NXN: variants seen among roughly 807,000 people sequenced by gnomAD.
NXN encodes nucleoredoxin, also known as nucleoredoxin 1.
A neutral mutation model predicts 48.6 loss-of-function variants in NXN; 16 were observed. That is an observed-to-expected ratio of 0.33 (90% CI 0.22 to 0.50). NXN has a LOEUF of 0.50. Among genes scored for constraint, NXN ranks in the 20% least tolerant of loss-of-function variants. The pLI, the probability that NXN is intolerant of heterozygous loss-of-function variation, is 0.98. For synonymous variants in NXN, 281 were observed against 269.6 expected, an observed-to-expected ratio of 1.04 and a Z score of -0.41; for missense variants, 492 against 605.5, an observed-to-expected ratio of 0.81 and a Z score of 1.97.
chr17:811,608 G>A (rs920070785), intron 5 of NXN, among the ~76,000 whole-genome samples: 85 of 152,316 alleles, frequency 5.6e-4, no homozygotes, highest in Non-Finnish European at 1.2e-3. Flanking sequence ...TGGTCCTGTG[G>A]AGATGGGTCA....
intron 1 of NXN, among the ~76,000 whole-genome samples, chr17:837,485 T>C (rs1184273716): frequency 1.3e-5 from 2 of 152,126 alleles, no homozygotes; most frequent in African/African-American, 4.8e-5. Context: ...GAACAACAAA[T>C]GAACAGAGGA....
At chr17:936,738 ATTTCT>A (rs1183198217) in intron 1 of NXN, among the ~76,000 whole-genome samples, 1 of 149,196 alleles carries the variant, frequency 6.7e-6, no homozygotes, top group African/African-American at 2.5e-5. Context: ...TTTATAACGG[ATTTCT>A]TTTCTAACTT....
At chr17:900,118 AGCG>A (rs2068523508) in intron 1 of NXN, among the ~76,000 whole-genome samples, 1 of 152,020 alleles carries the variant, frequency 6.6e-6, no homozygotes, top group Non-Finnish European at 1.5e-5. Flanking sequence ...ATACAAAATT[AGCG>A]GGGTGTGGTG....
At chr17:952,193 G>C (rs11651281) in intron 1 of NXN, among the ~76,000 whole-genome samples, 14,389 of 93,308 alleles carry the variant, frequency 0.15, 748 homozygotes, top group South Asian at 0.27. Flanking sequence ...TGGGGTCAGA[G>C]AGACCAAGGT....
At chr17:809,035 C>T (rs188176007) in intron 5 of NXN, among the ~76,000 whole-genome samples, 46 of 151,622 alleles carry the variant, frequency 3.0e-4, no homozygotes, top group Admixed American at 2.2e-3. Context: ...GGCAGACATA[C>T]GGAAAACTGG....
rs55751712 is a variant in NXN at position 849,518 on chromosome 17, CAA to C, written c.361-23442_361-23441del. On this transcript the variant is annotated intron_variant, in intron 1 of 7. Coordinates refer to ENST00000336868, the MANE Select transcript of NXN (RefSeq NM_022463.5). This position sits in a 1 kb window ranked among gnomAD's most constrained non-coding sequence, Gnocchi z 4.2. The stretch of plus-strand genomic sequence containing the variant: ...ACTGCACTCCATCCTGGACGACAGA[CAA>C]AAAAAAAAGATGGGAGCTTCCCAAC... Among the ~76,000 whole-genome samples, 11 of 147,712 alleles carry C rather than the reference CAA, an allele frequency of 7.4e-5. No homozygotes were observed. The highest frequency in any genetic ancestry group is 2.5e-4 in the African/African-American group (10 of 40,424).
At chr17:853,718 TATATA>T (rs575755240) in intron 1 of NXN, among the ~76,000 whole-genome samples, 1,616 of 96,934 alleles carry the variant, frequency 0.017, 17 homozygotes, top group Middle Eastern at 0.066. Flanking sequence ...TATATATATA[TATATA>T]TTTTTTTTTT....
chr17:869,237 C>G (rs2068126252), intron 1 of NXN, among the ~76,000 whole-genome samples: 1 of 152,158 alleles, frequency 6.6e-6, no homozygotes, highest in Non-Finnish European at 1.5e-5. Context: ...CTTACACACC[C>G]TGGGTTACAT....
intron 5 of NXN, among the ~76,000 whole-genome samples, chr17:811,469 C>A (rs1279769820): frequency 6.6e-6 from 1 of 151,384 alleles, no homozygotes; most frequent in Admixed American, 6.6e-5. Flanking sequence ...CAGCACTGCA[C>A]ACGGCTGCAC....
chr17:834,628 G>A (rs112661291), intron 1 of NXN, among the ~76,000 whole-genome samples: 4,425 of 151,764 alleles, frequency 0.029, 82 homozygotes, highest in Non-Finnish European at 0.046. Context: ...CTTATGATCC[G>A]CCCACCTTGG....
chr17:948,037 ACTCT>A (rs896872700), intron 1 of NXN, among the ~76,000 whole-genome samples: 9 of 151,898 alleles, frequency 5.9e-5, no homozygotes, highest in African/African-American at 1.9e-4. Flanking sequence ...GGTGACAGAG[ACTCT>A]CTCTCAAAAA....
intron 1 of NXN, among the ~76,000 whole-genome samples, chr17:934,871 C>CA (rs1164139845): frequency 1.1e-4 from 16 of 151,124 alleles, no homozygotes; most frequent in Admixed American, 1.1e-3. Context: ...GACGCCATCT[C>CA]AAAAAAAAGA....
At chr17:915,153 C>G (rs1403947828) in intron 1 of NXN, among the ~76,000 whole-genome samples, 1 of 152,130 alleles carries the variant, frequency 6.6e-6, no homozygotes, top group East Asian at 1.9e-4. Flanking sequence ...CCAGGCTGGC[C>G]TCGAACTTCT....
rs1567827515 is a variant in NXN at position 841,446 on chromosome 17, CCCT to C, written c.361-15371_361-15369del. Among the ~76,000 whole-genome samples, 10 of 30,764 alleles carry C rather than the reference CCCT, an allele frequency of 3.3e-4. 1 individual carries two copies. In the South Asian group the frequency reaches 7.7e-3, roughly 24 times the overall value. The allele number at this position is 30,764 out of a possible 152,430, so 20.2% of individuals were successfully genotyped here. ...GCATCTCACACGGGCGAGCAGGTCC[CCCT>C]GACCACGGCGCATCTCACACGGGCG... On this transcript the variant is annotated intron_variant, in intron 1 of 7. Coordinates refer to ENST00000336868, the MANE Select transcript of NXN (RefSeq NM_022463.5).
rs1468129880 is a variant in NXN, at chr17:825,096, C to T, written c.478+865G>A. Among the ~76,000 whole-genome samples, 4 of 151,872 alleles carry T rather than the reference C, an allele frequency of 2.6e-5. No homozygotes were observed. Among genetic ancestry groups the T allele is most frequent in the Non-Finnish European group, 5.9e-5 (4 of 67,996 alleles). The stretch of plus-strand genomic sequence containing the variant: ...ATAATAAAAAATTAGCTGGGTGTGG[C>T]GGTGCACGCCAGTAGTCCCAGCTAC... On this transcript the variant is annotated intron_variant, in intron 2 of 7. Transcript: ENST00000336868. The surrounding 1 kb of genome is among the most constrained non-coding windows in gnomAD (Gnocchi z 4.1).
At chr17:964,141 T>C (rs1183054705) in intron 1 of NXN, among the ~76,000 whole-genome samples, 1 of 152,188 alleles carries the variant, frequency 6.6e-6, no homozygotes, top group Non-Finnish European at 1.5e-5. Flanking sequence ...CAGAGAAACA[T>C]GGCGTATGAA....
intron 1 of NXN, among the ~76,000 whole-genome samples, chr17:835,755 C>A (rs1913780262): frequency 9.7e-6 from 1 of 103,260 alleles, no homozygotes; most frequent in Non-Finnish European, 2.0e-5. Flanking sequence ...CGTCAGCCCC[C>A]ACAGAGGCCG....
chr17:963,126 C>T (rs2069257066), intron 1 of NXN, among the ~76,000 whole-genome samples: 1 of 150,684 alleles, frequency 6.6e-6, no homozygotes, highest in Non-Finnish European at 1.5e-5. Flanking sequence ...ACAGAAAAAG[C>T]AGCACCTGTC....
At position 857,386 on chromosome 17, in the gene NXN, G is replaced by A. The variant is rs529334407; in HGVS notation, c.361-31308C>T. 7.2e-5 allele frequency among the ~76,000 whole-genome samples: 11 copies of A among 152,084 alleles called. No individual in the cohort carries two copies. In the East Asian group the frequency reaches 9.7e-4, roughly 13 times the overall value. On this transcript the variant is annotated intron_variant, in intron 1 of 7. Transcript: ENST00000336868. Reference sequence around the variant, plus strand: ...AGGGATTCTCCTGCCTCAGCCTACCGAGTAGCTGGGACTACAGGCACGCAC... The same window carrying A: ...AGGGATTCTCCTGCCTCAGCCTACCAAGTAGCTGGGACTACAGGCACGCAC...
Sources: allele counts gnomAD v4.1 joint callset (sites outside exome capture counted in the v4.1 genomes callset), GRCh38; gene constraint gnomAD v4.1.1; non-coding constraint Gnocchi (gnomAD v3.1); transcripts MANE v1.5; gene names NCBI Gene and HGNC (gene_info 2026-07-23, HGNC 2026-07-21).